Variants in BMP5 observed in about 807,000 individuals in gnomAD.
BMP5 encodes the protein bone morphogenetic protein 5.
In BMP5, 23 loss-of-function variants were observed where a neutral mutation model predicts 46.6. That is an observed-to-expected ratio of 0.49 (90% CI 0.35 to 0.70). The LOEUF (loss-of-function observed/expected upper bound fraction) is 0.70, where lower values mean the gene tolerates loss of function less well. Among genes scored for constraint, BMP5 ranks in the 30% least tolerant of loss-of-function variants. BMP5 has a pLI of 0.00. For synonymous variants in BMP5, 204 were observed against 191.9 expected (o/e 1.06, Z -0.52); for missense variants, 545 against 565.6 (o/e 0.96, Z 0.37).
At chr6:55,835,887 G>T (rs757226019) in intron 1 of BMP5, among the ~76,000 whole-genome samples, 1 of 152,200 alleles carries the variant, frequency 6.6e-6, no homozygotes, top group Non-Finnish European at 1.5e-5. Context: ...ACTAAAGTAA[G>T]AGATGAATTT....
intron 2 of BMP5, among the ~76,000 whole-genome samples, chr6:55,804,786 C>A (rs371273396): frequency 5.9e-4 from 90 of 152,158 alleles, no homozygotes; most frequent in African/African-American, 2.1e-3. Context: ...GTGGAAAGGA[C>A]AAATACTGTG....
chr6:55,804,714 T>A (rs1480167833), intron 2 of BMP5, among the ~76,000 whole-genome samples: 2 of 151,754 alleles, frequency 1.3e-5, no homozygotes, highest in East Asian at 3.9e-4. Context: ...GAGGGGTGAA[T>A]TAACTATGAG....
intron 5 of BMP5, 56 bp from the exon 6 acceptor site, chr6:55,759,171 A>AAAAAAAAAAAAAAC: frequency 2.4e-6 from 2 of 829,908 alleles, no homozygotes; most frequent in Non-Finnish European, 3.6e-6. Flanking sequence ...AAAAAAAAAA[A>AAAAAAAAAAAAAAC]AAAAAAAAAA....
chr6:55,762,558 C>T (rs1436954627), intron 4 of BMP5, among the ~76,000 whole-genome samples: 1 of 152,080 alleles, frequency 6.6e-6, no homozygotes, highest in Non-Finnish European at 1.5e-5. Context: ...TCAGACTCTA[C>T]ATTCTGGTTC....
At chr6:55,847,678 C>G (rs1777132533) in intron 1 of BMP5, among the ~76,000 whole-genome samples, 1 of 151,720 alleles carries the variant, frequency 6.6e-6, no homozygotes. Context: ...AGTTTAGTAT[C>G]TAGGTTTTGA....
chr6:55,845,612 C>T (rs1777079837), intron 1 of BMP5, among the ~76,000 whole-genome samples: 1 of 151,852 alleles, frequency 6.6e-6, no homozygotes. Flanking sequence ...AACATATGGA[C>T]CTTGATTAAA....
intron 4 of BMP5, chr6:55,773,010 T>C: frequency 1.3e-6 from 1 of 747,290 alleles, no homozygotes; most frequent in African/African-American, 1.9e-5. Context: ...TGACCTGTCA[T>C]TTTCAAGTAA....
chr6:55,849,336 T>G (rs1777168630), intron 1 of BMP5, among the ~76,000 whole-genome samples: 1 of 152,038 alleles, frequency 6.6e-6, no homozygotes, highest in South Asian at 2.1e-4. Context: ...TACCTACACA[T>G]GAACATACAT....
chr6:55,772,762 T>C, intron 4 of BMP5: 1 of 985,210 alleles, frequency 1.0e-6, no homozygotes, highest in Non-Finnish European at 1.2e-6. Flanking sequence ...ATAAGCAGCA[T>C]TTAATTCAGT....
At chr6:55,769,915 G>T (rs1173942197) in intron 4 of BMP5, among the ~76,000 whole-genome samples, 1 of 151,688 alleles carries the variant, frequency 6.6e-6, no homozygotes, top group Non-Finnish European at 1.5e-5. Context: ...TGGACAATAG[G>T]TCTCAACAGT....
chr6:55,831,722 T>G (rs1283875660), intron 1 of BMP5, among the ~76,000 whole-genome samples: 1 of 151,942 alleles, frequency 6.6e-6, no homozygotes, highest in African/African-American at 2.4e-5. Flanking sequence ...AAGGAAATCA[T>G]CAAAGAAATA....
At chr6:55,814,038 G>C (rs185994833) in intron 2 of BMP5, among the ~76,000 whole-genome samples, 34 of 152,124 alleles carry the variant, frequency 2.2e-4, no homozygotes, top group Middle Eastern at 3.4e-3. Context: ...TAAAGAGTTT[G>C]ACTATTTATC....
intron 3 of BMP5, among the ~76,000 whole-genome samples, chr6:55,790,887 G>T (rs1775559706): frequency 6.6e-6 from 1 of 152,034 alleles, no homozygotes; most frequent in Non-Finnish European, 1.5e-5. Context: ...CTATTTTTCA[G>T]TATTAGGGCA....
intron 6 of BMP5, among the ~76,000 whole-genome samples, chr6:55,757,636 T>C (rs1400248307): frequency 1.3e-5 from 2 of 151,976 alleles, no homozygotes; most frequent in African/African-American, 4.8e-5. Context: ...GGTGAAGTCA[T>C]ATCAGACTTT....
At chr6:55,795,958 G>C (rs897455606) in intron 2 of BMP5, among the ~76,000 whole-genome samples, 46 of 152,114 alleles carry the variant, frequency 3.0e-4, no homozygotes, top group Admixed American at 2.0e-3. Context: ...CAGTGTGATA[G>C]CAGGTCAGTT....
At chr6:55,771,588 C>T (rs746007684) in intron 4 of BMP5, among the ~76,000 whole-genome samples, 3 of 151,750 alleles carry the variant, frequency 2.0e-5, no homozygotes, top group Non-Finnish European at 4.4e-5. Flanking sequence ...TCTAAGCTCT[C>T]CCACAGGAAT....
chr6:55,805,171 A>C (rs1365020306), intron 2 of BMP5, among the ~76,000 whole-genome samples: 1 of 152,168 alleles, frequency 6.6e-6, no homozygotes, highest in Non-Finnish European at 1.5e-5. Context: ...TTAAAAATAT[A>C]ATTGAACATT....
intron 1 of BMP5, among the ~76,000 whole-genome samples, chr6:55,858,709 C>G (rs1019144599): frequency 6.6e-6 from 1 of 152,160 alleles, no homozygotes; most frequent in Non-Finnish European, 1.5e-5. Context: ...GCACTATTTA[C>G]AATAGCAAAG....
At chr6:55,809,461 A>C (rs186415146) in intron 2 of BMP5, among the ~76,000 whole-genome samples, 1 of 152,264 alleles carries the variant, frequency 6.6e-6, no homozygotes, top group East Asian at 1.9e-4. Context: ...TCTCAGTTCT[A>C]CTGGAGAAAA....
Sources: gnomAD v4.1 joint callset for allele counts (sites outside exome capture counted in the v4.1 genomes callset) on GRCh38, gnomAD v4.1.1 for gene constraint, MANE v1.5 for transcripts, NCBI Gene and HGNC (gene_info 2026-07-23, HGNC 2026-07-21) for gene names.